The following ARSG variants were observed in gnomAD, a reference collection of about 807,000 sequenced individuals.
ARSG encodes the protein arylsulfatase G.
ARSG carries 37 observed loss-of-function variants against 50.5 expected under a neutral mutation model. That is an observed-to-expected ratio of 0.73 (90% CI 0.56 to 0.96). The LOEUF is 0.96. Among genes scored for constraint, ARSG ranks in the 50% least tolerant of loss-of-function variants. The pLI, the probability that ARSG is intolerant of heterozygous loss-of-function variation, is 0.00. For synonymous variants in ARSG, 225 were observed against 254.6 expected (o/e 0.88, Z 1.11); for missense variants, 629 against 675.3 (o/e 0.93, Z 0.76).
At position 68,385,168 on chromosome 17, in the gene ARSG, T is replaced by G; in HGVS notation, c.1087T>G (p.Leu363Val). ...AGTTAATGTCACCAGCACTGCCTTG[T>G]TAAGGTATGAGACCAAAACTACCTT... ...VPVNVTSTAL[L>V]SVLDIFPTVV... The change falls in exon 9 of 12, where the codon TTA becomes GTA. Residue 363 changes from leucine to valine, a missense_variant. Transcript: ENST00000621439. 1 of 1,613,566 alleles carries G rather than the reference T, an allele frequency of 6.2e-7. No individual in the cohort carries two copies. The highest frequency in any genetic ancestry group is 1.1e-5 in the South Asian group (1 of 91,072).
At chr17:68,412,902 G>C (rs1422444275) in intron 11 of ARSG, among the ~76,000 whole-genome samples, 1 of 152,026 alleles carries the variant, frequency 6.6e-6, no homozygotes, top group East Asian at 1.9e-4. Context: ...CTTTCTTCCA[G>C]TTGATCGCAC....
At chr17:68,444,410 G>T in the ARSG span, 2 of 1,314,732 alleles carry the variant, frequency 1.5e-6, no homozygotes, top group Non-Finnish European at 2.2e-6. Context: ...CTTCACGTTC[G>T]CAATTTGGAG....
the ARSG span, among the ~76,000 whole-genome samples, chr17:68,432,467 A>G: frequency 0.48 from 72,433 of 152,008 alleles, 17,490 homozygotes; most frequent in Admixed American, 0.6. Context: ...AGAACTGTGA[A>G]ATCATAAATG....
intron 1 of ARSG, among the ~76,000 whole-genome samples, chr17:68,263,307 C>A (rs1412932963): frequency 6.6e-6 from 1 of 152,176 alleles, no homozygotes; most frequent in Non-Finnish European, 1.5e-5. Flanking sequence ...CCCAGCTGTA[C>A]GCTACGATCG....
intron 8 of ARSG, among the ~76,000 whole-genome samples, chr17:68,377,436 G>A (rs1045509212): frequency 3.4e-4 from 52 of 152,144 alleles, no homozygotes; most frequent in African/African-American, 1.2e-3. Flanking sequence ...TTTCTACATC[G>A]GTGGGAGGCA....
At chr17:68,348,295 G>A (rs1040576810) in intron 4 of ARSG, among the ~76,000 whole-genome samples, 4 of 152,164 alleles carry the variant, frequency 2.6e-5, no homozygotes, top group African/African-American at 9.7e-5. Context: ...CAGTTGAGGG[G>A]TTGGACCAGA....
At chr17:68,384,377 A>C (rs80302967) in intron 8 of ARSG, among the ~76,000 whole-genome samples, 6,746 of 152,258 alleles carry the variant, frequency 0.044, 310 homozygotes, top group African/African-American at 0.11. Context: ...ATGGTTACAA[A>C]AATAATTCCT....
At chr17:68,293,375 C>T (rs2076088788) in intron 1 of ARSG, among the ~76,000 whole-genome samples, 1 of 152,048 alleles carries the variant, frequency 6.6e-6, no homozygotes, top group African/African-American at 2.4e-5. Context: ...GTACTTCAGT[C>T]TCTTGATTTA....
chr17:68,374,654 C>G (rs2080053772), intron 8 of ARSG, among the ~76,000 whole-genome samples: 1 of 151,968 alleles, frequency 6.6e-6, no homozygotes, highest in Non-Finnish European at 1.5e-5. Context: ...GAGTTCAAGA[C>G]CAGTCTGGCC....
intron 6 of ARSG, among the ~76,000 whole-genome samples, chr17:68,362,357 C>T (rs757836800): frequency 2.1e-4 from 32 of 152,106 alleles, no homozygotes; most frequent in Admixed American, 1.0e-3. Context: ...AATGCAGAGA[C>T]GGATCTCTAG....
chr17:68,398,065 G>A (rs1208333127), intron 10 of ARSG, among the ~76,000 whole-genome samples: 1 of 152,066 alleles, frequency 6.6e-6, no homozygotes, highest in Non-Finnish European at 1.5e-5. Flanking sequence ...CTGTGCCTGG[G>A]CTGCATATGC....
intron 8 of ARSG, among the ~76,000 whole-genome samples, chr17:68,373,895 C>T (rs1280892727): frequency 6.6e-6 from 1 of 152,012 alleles, no homozygotes; most frequent in Non-Finnish European, 1.5e-5. Flanking sequence ...CGGTGGCTCA[C>T]ACCTGTAATC....
rs571979643 is a variant in ARSG at position 68,381,103 on chromosome 17, G to A, written c.983-3961G>A. Among the ~76,000 whole-genome samples the A allele has an allele frequency of 2.0e-4, 31 of 152,204 alleles. No homozygotes were observed. Among genetic ancestry groups the A allele is most frequent in the Admixed American group, 1.6e-3 (24 of 15,286 alleles). On this transcript the variant is annotated intron_variant, in intron 8 of 11. Coordinates refer to ENST00000621439, the MANE Select transcript of ARSG (RefSeq NM_001267727.2). This position sits in a 1 kb window ranked among gnomAD's most constrained non-coding sequence, Gnocchi z 4.1. ...GATTCTCTTGTATGGAGAAATTTGC[G>A]AATTTCCTTGTTTGCTGCATTGCCT...
intron 10 of ARSG, among the ~76,000 whole-genome samples, chr17:68,396,002 G>GT (rs757607546): frequency 0.016 from 1,621 of 104,330 alleles, 20 homozygotes; most frequent in African/African-American, 0.042. Flanking sequence ...TTGGCAGCCT[G>GT]TTTTTTTTTT....
chr17:68,429,070 T>C, the ARSG span: 3 of 648,530 alleles, frequency 4.6e-6, no homozygotes, highest in East Asian at 8.3e-5. Context: ...ACTGATCTGG[T>C]CTGGGCTTCT....
chr17:68,380,532 G>C (rs1054070631), intron 8 of ARSG, among the ~76,000 whole-genome samples: 1 of 152,160 alleles, frequency 6.6e-6, no homozygotes, highest in African/African-American at 2.4e-5. Flanking sequence ...GCCTCCCAAA[G>C]TGGTGGGATT....
intron 1 of ARSG, among the ~76,000 whole-genome samples, chr17:68,295,060 C>T (rs1223700535): frequency 1.3e-5 from 2 of 152,178 alleles, no homozygotes; most frequent in African/African-American, 2.4e-5. Flanking sequence ...CTGGGATTGG[C>T]TCATGGTCAG....
chr17:68,429,099 TG>T, the ARSG span, among the ~76,000 whole-genome samples: 1 of 152,246 alleles, frequency 6.6e-6, no homozygotes, highest in East Asian at 1.9e-4. Context: ...CTTTGCATTC[TG>T]GCCTTGGGAT....
chr17:68,428,196 T>C, the ARSG span: 1 of 151,242 alleles, frequency 6.6e-6, no homozygotes, highest in African/African-American at 2.4e-5. Flanking sequence ...ACATGACTGG[T>C]AGAGCACTTT....
Sources: gnomAD v4.1 joint callset for allele counts (sites outside exome capture counted in the v4.1 genomes callset) on GRCh38, gnomAD v4.1.1 for gene constraint, Gnocchi (gnomAD v3.1) non-coding constraint, MANE v1.5 for transcripts, NCBI Gene and HGNC (gene_info 2026-07-23, HGNC 2026-07-21) for gene names.